ZNF827: variants seen among roughly 807,000 people sequenced by gnomAD.
The protein encoded by ZNF827 is zinc finger protein 827.
In ZNF827, 13 loss-of-function variants were observed where a neutral mutation model predicts 102.4. The observed-to-expected ratio is 0.13, with a 90% CI of 0.08 to 0.20. The LOEUF is 0.20. Among genes scored for constraint, ZNF827 ranks in the 10% least tolerant of loss-of-function variants. The probability of loss-of-function intolerance (pLI) is 1.00; values close to 1 mark genes in which losing one functional copy is unlikely to be tolerated. For missense variants in ZNF827, 1,103 were observed against 1,344.4 expected, an observed-to-expected ratio of 0.82 and a Z score of 2.81; for synonymous variants, 523 against 536.2, an observed-to-expected ratio of 0.98 and a Z score of 0.34.
rs541066740 is a variant in ZNF827 at position 145,823,450 on chromosome 4, G to C, written c.2355C>G (p.Ser785=). 7 of 1,613,970 alleles carry C rather than the reference G, an allele frequency of 4.3e-6. No individual in the cohort carries two copies. The highest frequency in any genetic ancestry group is 2.2e-5 in the South Asian group (2 of 91,048). ...GAGCTGATATTCTTCCGTGCAGCAC[G>C]GAGTCACTGGGCAGCAGTTCTTTTG... The part of the protein sequence containing the change: ...SNSKELLPSD[S]VLHGRISAPE... The change falls in exon 8 of 15, where the codon TCC becomes TCG. Residue 785 remains serine (S), a synonymous_variant. Coordinates refer to ENST00000508784, the MANE Select transcript of ZNF827 (RefSeq NM_001306215.2).
At chr4:145,908,604 C>A (rs1579542415) in intron 1 of ZNF827, among the ~76,000 whole-genome samples, 1 of 152,200 alleles carries the variant, frequency 6.6e-6, no homozygotes, top group Admixed American at 6.5e-5. Flanking sequence ...ATACAACCAA[C>A]TTTTACATGC....
In ZNF827 at chr4:145,863,005, G is replaced by A. The variant is rs552219874; in HGVS notation, c.1981+7240C>T. Among the ~76,000 whole-genome samples the A allele has an allele frequency of 5.3e-5, 8 of 152,290 alleles. No homozygotes were observed. In the South Asian group the frequency reaches 1.7e-3, roughly 32 times the overall value. On this transcript the variant is annotated intron_variant, in intron 5 of 14. Transcript: ENST00000508784. Reference sequence around the variant, plus strand: ...TATTTGCAAATCATATATCTGAGAAGAGACTTATGTCCAGAATACATAAGA... The same window carrying A: ...TATTTGCAAATCATATATCTGAGAAAAGACTTATGTCCAGAATACATAAGA...
At chr4:145,851,314 A>G (rs1746510088) in intron 5 of ZNF827, among the ~76,000 whole-genome samples, 1 of 152,226 alleles carries the variant, frequency 6.6e-6, no homozygotes, top group Non-Finnish European at 1.5e-5. Context: ...AGACAGGCAG[A>G]CAGACACACA....
At chr4:145,837,665 CTT>C (rs1421875022) in intron 7 of ZNF827, among the ~76,000 whole-genome samples, 1 of 152,196 alleles carries the variant, frequency 6.6e-6, no homozygotes, top group Non-Finnish European at 1.5e-5. Flanking sequence ...AATAAATAAT[CTT>C]TGCTGGCAGG....
chr4:145,914,855 C>T (rs2126939075), intron 1 of ZNF827, among the ~76,000 whole-genome samples: 1 of 152,284 alleles, frequency 6.6e-6, no homozygotes, highest in East Asian at 1.9e-4. Context: ...AGATTTTTCA[C>T]CTAAAAGAAA....
chr4:145,843,432 TA>T (rs997054220), intron 7 of ZNF827, among the ~76,000 whole-genome samples: 4 of 152,288 alleles, frequency 2.6e-5, no homozygotes, highest in African/African-American at 9.6e-5. Context: ...GCCAAATGGT[TA>T]AAAAAATTTT....
intron 8 of ZNF827, among the ~76,000 whole-genome samples, chr4:145,817,046 C>A: frequency 6.6e-6 from 1 of 152,184 alleles, no homozygotes; most frequent in Non-Finnish European, 1.5e-5. Context: ...TTGACAAATG[C>A]AGAAATACTA....
At chr4:145,768,916 T>TATATATATATATATATAAAA (rs34051922) in intron 11 of ZNF827, among the ~76,000 whole-genome samples, 1,244 of 34,218 alleles carry the variant, frequency 0.036, 220 homozygotes, top group Middle Eastern at 0.11. Flanking sequence ...TATATATATA[T>TATATATATATATATATAAAA]TAGGTATACA....
intron 1 of ZNF827, among the ~76,000 whole-genome samples, chr4:145,907,507 A>G (rs148158210): frequency 9.3e-4 from 141 of 152,342 alleles, no homozygotes; most frequent in African/African-American, 2.3e-3. Context: ...GAGAAGTCTC[A>G]GGCAGCAAGA....
intron 8 of ZNF827, among the ~76,000 whole-genome samples, chr4:145,806,046 C>G (rs1290513240): frequency 6.6e-6 from 1 of 151,814 alleles, no homozygotes; most frequent in Non-Finnish European, 1.5e-5. Context: ...AGGGTGTATA[C>G]TTCATGAGGA....
chr4:145,852,559 T>G (rs1339021743), intron 5 of ZNF827, among the ~76,000 whole-genome samples: 1 of 152,206 alleles, frequency 6.6e-6, no homozygotes, highest in African/African-American at 2.4e-5. Context: ...GTCCCTTCTC[T>G]TCCATGCAAT....
chr4:145,929,133 T>C (rs2126988343), intron 1 of ZNF827, among the ~76,000 whole-genome samples: 1 of 152,326 alleles, frequency 6.6e-6, no homozygotes, highest in Non-Finnish European at 1.5e-5. Flanking sequence ...TACGATATGA[T>C]CTCTCTTTCC....
intron 1 of ZNF827, among the ~76,000 whole-genome samples, chr4:145,937,588 G>A (rs1404551961): frequency 7.2e-6 from 1 of 139,546 alleles, no homozygotes; most frequent in African/African-American, 2.6e-5. Context: ...GCGCCCCCTC[G>A]CCTCGGCGCC....
intron 7 of ZNF827, among the ~76,000 whole-genome samples, chr4:145,839,795 T>C (rs1277202013): frequency 1.3e-5 from 2 of 152,158 alleles, no homozygotes; most frequent in Admixed American, 1.3e-4. Flanking sequence ...TCCTGACTAT[T>C]AGGAGTTATA....
intron 11 of ZNF827, among the ~76,000 whole-genome samples, chr4:145,767,607 G>A (rs1012691249): frequency 2.6e-5 from 4 of 152,170 alleles, no homozygotes; most frequent in Admixed American, 1.3e-4. Context: ...AATCCTGAAA[G>A]TAGCCAGAGG....
intron 5 of ZNF827, among the ~76,000 whole-genome samples, chr4:145,856,682 T>TACAC (rs58347486): frequency 8.3e-4 from 118 of 141,886 alleles, no homozygotes; most frequent in African/African-American, 1.7e-3. Context: ...AGTACACACA[T>TACAC]ACACACACAC....
chr4:145,800,699 C>T (rs558659323), intron 8 of ZNF827, among the ~76,000 whole-genome samples: 4 of 152,164 alleles, frequency 2.6e-5, no homozygotes, highest in Non-Finnish European at 5.9e-5. Flanking sequence ...TACTGTGGGG[C>T]CTGTGCTGTG....
chr4:145,796,547 A>G (rs1579217701), intron 8 of ZNF827, among the ~76,000 whole-genome samples: 1 of 152,108 alleles, frequency 6.6e-6, no homozygotes, highest in East Asian at 1.9e-4. Context: ...TGACAGCAAT[A>G]ATACAATTTA....
intron 5 of ZNF827, among the ~76,000 whole-genome samples, chr4:145,853,953 A>G (rs1426083034): frequency 2.6e-5 from 4 of 151,876 alleles, no homozygotes; most frequent in African/African-American, 7.2e-5. Flanking sequence ...CAACAGAGCA[A>G]TTAAAAAAAA....
Sources: allele counts gnomAD v4.1 joint callset (sites outside exome capture counted in the v4.1 genomes callset), GRCh38; gene constraint gnomAD v4.1.1; transcripts MANE v1.5; gene names NCBI Gene and HGNC (gene_info 2026-07-23, HGNC 2026-07-21).